The following SORCS1 variants were observed in gnomAD, a reference collection of about 807,000 sequenced individuals.
The protein encoded by SORCS1 is sortilin related VPS10 domain containing receptor 1, also known as VPS10 domain-containing receptor SorCS1.
In SORCS1, 60 loss-of-function variants were observed where a neutral mutation model predicts 146.1. That is an observed-to-expected ratio of 0.41 (90% CI 0.33 to 0.51). SORCS1 has a LOEUF of 0.51. Ranked by LOEUF, SORCS1 falls within the 20% of genes least tolerant of loss-of-function variation. The pLI is 0.21. For synonymous variants in SORCS1, 637 were observed against 584.0 expected, an observed-to-expected ratio of 1.09 and a Z score of -1.31; for missense variants, 1,352 against 1,487.6, an observed-to-expected ratio of 0.91 and a Z score of 1.50.
rs766633614 is a variant in SORCS1, at chr10:106,960,623, G to A, written c.559-4043C>T. On this transcript the variant is annotated intron_variant, in intron 1 of 25. Transcript: ENST00000263054. This position sits in a 1 kb window ranked among gnomAD's most constrained non-coding sequence, Gnocchi z 4.4. ...TCACCATGTTGAGGAGAATGGTCTC[G>A]ATCTCTTGACCTCGTGATCCACCTG... Among the ~76,000 whole-genome samples, 2 of 152,116 alleles carry A rather than the reference G, an allele frequency of 1.3e-5. No individual in the cohort carries two copies. The highest frequency in any genetic ancestry group is 1.3e-4 in the Admixed American group (2 of 15,266).
intron 3 of SORCS1, among the ~76,000 whole-genome samples, chr10:106,814,719 C>T (rs997436638): frequency 1.3e-5 from 2 of 151,886 alleles, no homozygotes; most frequent in African/African-American, 4.8e-5. Context: ...TCGAGACCAT[C>T]CTGGCTAACG....
At chr10:107,053,584 A>C (rs1475961165) in intron 1 of SORCS1, among the ~76,000 whole-genome samples, 1 of 152,200 alleles carries the variant, frequency 6.6e-6, no homozygotes, top group Non-Finnish European at 1.5e-5. Flanking sequence ...TGTATCTTTG[A>C]AGAGTTACAA....
At chr10:107,134,222 T>C in intron 1 of SORCS1, among the ~76,000 whole-genome samples, 1 of 152,288 alleles carries the variant, frequency 6.6e-6, no homozygotes, top group East Asian at 1.9e-4. Context: ...CACAATTAAT[T>C]CCATCAAGAA....
At chr10:106,685,040 G>A (rs574380533) in intron 10 of SORCS1, among the ~76,000 whole-genome samples, 7 of 152,262 alleles carry the variant, frequency 4.6e-5, no homozygotes, top group East Asian at 1.9e-4. Context: ...GAAAACTCCC[G>A]AGTTCCATAC....
At chr10:106,994,086 A>AAAAAAAAAAAAAAAAAAG (rs1554908001) in intron 1 of SORCS1, among the ~76,000 whole-genome samples, 5 of 135,010 alleles carry the variant, frequency 3.7e-5, no homozygotes, top group African/African-American at 1.8e-4. Flanking sequence ...AAAAAAAAAA[A>AAAAAAAAAAAAAAAAAAG]AGAAAATGAG....
chr10:107,004,213 C>T (rs1215721018), intron 1 of SORCS1, among the ~76,000 whole-genome samples: 2 of 146,724 alleles, frequency 1.4e-5, no homozygotes, highest in Non-Finnish European at 3.0e-5. Flanking sequence ...GAGAATACTA[C>T]TGGCATTGTA....
At chr10:106,895,526 G>A (rs780640471) in intron 2 of SORCS1, among the ~76,000 whole-genome samples, 7 of 152,154 alleles carry the variant, frequency 4.6e-5, no homozygotes, top group Non-Finnish European at 8.8e-5. Flanking sequence ...CAGGTGAATC[G>A]CTTGAACCCA....
At chr10:106,605,285 T>C (rs140196092) in intron 23 of SORCS1, among the ~76,000 whole-genome samples, 52 of 152,338 alleles carry the variant, frequency 3.4e-4, no homozygotes, top group African/African-American at 1.2e-3. Flanking sequence ...GACACATCCA[T>C]ACATAAGTAT....
chr10:106,662,821 C>T (rs1385668639), intron 17 of SORCS1, among the ~76,000 whole-genome samples: 1 of 152,176 alleles, frequency 6.6e-6, no homozygotes, highest in Non-Finnish European at 1.5e-5. Flanking sequence ...TTTACAGAAT[C>T]CACTGGCATT....
rs140953432 is a variant in SORCS1, at chr10:106,806,609, G to A, written c.726+22965C>T. On this transcript the variant is annotated intron_variant, in intron 3 of 25. Transcript: ENST00000263054. ...CCGGTCACTGCAAGCTCTGCCTCCC[G>A]GGTTCACGCCATTCTCCTGCCTCAG... is the stretch of plus-strand genomic sequence containing the variant. 6.4e-3 allele frequency among the ~76,000 whole-genome samples: 871 copies of A among 136,588 alleles called. 12 individuals are homozygous for A. The highest frequency in any genetic ancestry group is 0.023 in the African/African-American group (851 of 36,806). The allele number at this position is 136,588 out of a possible 152,430, so 89.6% of individuals were successfully genotyped here.
At chr10:106,850,067 G>A (rs933427439) in intron 2 of SORCS1, among the ~76,000 whole-genome samples, 1 of 152,108 alleles carries the variant, frequency 6.6e-6, no homozygotes. Context: ...CCCAGAGGTG[G>A]AGTGTACAGA....
chr10:106,842,255 GAC>G (rs1273497154), intron 2 of SORCS1, among the ~76,000 whole-genome samples: 1 of 151,928 alleles, frequency 6.6e-6, no homozygotes, highest in Non-Finnish European at 1.5e-5. Flanking sequence ...TGTTTTTTGA[GAC>G]ACAGTCTCAC....
At chr10:106,828,546 A>C (rs897105507) in intron 3 of SORCS1, among the ~76,000 whole-genome samples, 29 of 152,238 alleles carry the variant, frequency 1.9e-4, no homozygotes, top group African/African-American at 6.8e-4. Context: ...GTAGCTAATG[A>C]AAAATCTGAG....
chr10:107,118,487 T>C (rs1332667518), intron 1 of SORCS1, among the ~76,000 whole-genome samples: 2 of 152,206 alleles, frequency 1.3e-5, no homozygotes, highest in African/African-American at 2.4e-5. Context: ...ACATTTATCC[T>C]TGGGCTTTAT....
intron 1 of SORCS1, 71 bp downstream of exon 1, chr10:107,163,898 A>T: frequency 6.6e-7 from 1 of 1,506,836 alleles, no homozygotes; most frequent in East Asian, 2.3e-5. Flanking sequence ...CCAATTCTCC[A>T]TCAGATCACA....
chr10:106,716,589 G>T (rs1422778076), intron 6 of SORCS1, among the ~76,000 whole-genome samples: 1 of 152,270 alleles, frequency 6.6e-6, no homozygotes, highest in Admixed American at 6.5e-5. Flanking sequence ...TTAACTCCTG[G>T]CTGATTCCCT....
At chr10:106,921,782 A>G (rs1952724643) in intron 2 of SORCS1, among the ~76,000 whole-genome samples, 1 of 152,196 alleles carries the variant, frequency 6.6e-6, no homozygotes, top group African/African-American at 2.4e-5. Context: ...CAAAAGGCAA[A>G]ACCAGGTAAG....
At chr10:106,713,373 A>G (rs1462988649) in intron 6 of SORCS1, among the ~76,000 whole-genome samples, 3 of 152,226 alleles carry the variant, frequency 2.0e-5, no homozygotes, top group Admixed American at 2.0e-4. Context: ...TAAGACTGAC[A>G]CCTAATGAGG....
rs1455452449 is a variant in SORCS1, at chr10:106,607,212, T to C, written c.3119A>G (p.Gln1040Arg). 1 of 1,614,098 alleles carries C rather than the reference T, an allele frequency of 6.2e-7. No homozygotes were observed. Residue 1040 changes from glutamine (Q) to arginine (R), a missense_variant, in exon 23 of 26, where the codon CAG becomes CGG. Transcript: ENST00000263054. The part of the protein sequence containing the change: ...TTAELFVLPY[Q>R]DPAGENKRST... ...CCTTTTGTTTTCTCCAGCTGGATCCTGATAGGGTAGGACAAAGAGTTCAGC... is the reference window on the plus strand; with the variant it reads ...CCTTTTGTTTTCTCCAGCTGGATCCCGATAGGGTAGGACAAAGAGTTCAGC...
Sources: allele counts gnomAD v4.1 joint callset (sites outside exome capture counted in the v4.1 genomes callset), GRCh38; gene constraint gnomAD v4.1.1; non-coding constraint Gnocchi (gnomAD v3.1); transcripts MANE v1.5; gene names NCBI Gene and HGNC (gene_info 2026-07-23, HGNC 2026-07-21).